OPCML: variants seen among roughly 807,000 people sequenced by gnomAD.
OPCML encodes opioid-binding protein/cell adhesion molecule.
OPCML carries 13 observed loss-of-function variants against 37.8 expected under a neutral mutation model. The observed-to-expected ratio is 0.34, with a 90% CI of 0.22 to 0.55. The LOEUF (loss-of-function observed/expected upper bound fraction) is 0.55, where lower values mean the gene tolerates loss of function less well. Among genes scored for constraint, OPCML ranks in the 20% least tolerant of loss-of-function variants. The probability of loss-of-function intolerance (pLI) is 0.91; values close to 1 mark genes in which losing one functional copy is unlikely to be tolerated. For synonymous variants in OPCML, 176 were observed against 168.8 expected (o/e 1.04, Z -0.33); for missense variants, 341 against 435.6 (o/e 0.78, Z 1.93).
At chr11:133,418,648 C>G (rs572867511) in intron 1 of OPCML, 6 of 175,386 alleles carry the variant, frequency 3.4e-5, no homozygotes, top group African/African-American at 1.2e-4. Context: ...TCTTAAACTC[C>G]TTAAAGTAAG....
At chr11:133,187,230 C>T (rs1293271789) in intron 1 of OPCML, among the ~76,000 whole-genome samples, 1 of 152,126 alleles carries the variant, frequency 6.6e-6, no homozygotes, top group Non-Finnish European at 1.5e-5. Context: ...ATGTGATCTG[C>T]ACCTACAGCC....
At chr11:132,985,287 G>A (rs1946665443) in intron 1 of OPCML, among the ~76,000 whole-genome samples, 1 of 152,194 alleles carries the variant, frequency 6.6e-6, no homozygotes, top group African/African-American at 2.4e-5. Context: ...GGTGGCCAAG[G>A]CTGTAGTTCT....
chr11:132,820,855 C>G (rs748570748), intron 2 of OPCML, among the ~76,000 whole-genome samples: 5 of 152,144 alleles, frequency 3.3e-5, no homozygotes, highest in Non-Finnish European at 5.9e-5. Context: ...CCCCGCACCT[C>G]CTCCCCGAAA....
At chr11:133,230,996 C>T (rs1234172365) in intron 1 of OPCML, among the ~76,000 whole-genome samples, 1 of 152,188 alleles carries the variant, frequency 6.6e-6, no homozygotes, top group Non-Finnish European at 1.5e-5. Flanking sequence ...GCTTTCCACA[C>T]ATTTGCAAAC....
chr11:133,160,171 A>G (rs1950121867), intron 1 of OPCML, among the ~76,000 whole-genome samples: 1 of 152,240 alleles, frequency 6.6e-6, no homozygotes, highest in Non-Finnish European at 1.5e-5. Context: ...GACACAAATA[A>G]TATCTTGCCC....
chr11:133,297,622 T>C (rs1942663140), intron 1 of OPCML: 1 of 152,232 alleles, frequency 6.6e-6, no homozygotes, highest in South Asian at 2.1e-4. Flanking sequence ...ATGAGAGAAC[T>C]GTCATCACAG....
intron 1 of OPCML, among the ~76,000 whole-genome samples, chr11:133,031,294 G>C (rs937618321): frequency 6.6e-6 from 1 of 151,974 alleles, no homozygotes; most frequent in Middle Eastern, 3.2e-3. Flanking sequence ...GTGCATGGGT[G>C]GATGGATAGA....
At chr11:132,678,354 A>G (rs1035274237) in intron 2 of OPCML, among the ~76,000 whole-genome samples, 1 of 152,156 alleles carries the variant, frequency 6.6e-6, no homozygotes, top group Non-Finnish European at 1.5e-5. Flanking sequence ...ACAAAATTAA[A>G]CGTACTCTTA....
intron 2 of OPCML, among the ~76,000 whole-genome samples, chr11:132,818,294 T>G (rs1939746343): frequency 6.6e-6 from 1 of 152,194 alleles, no homozygotes; most frequent in South Asian, 2.1e-4. Flanking sequence ...TTATCTTTTC[T>G]TCAATTTGGG....
intron 4 of OPCML, among the ~76,000 whole-genome samples, chr11:132,518,926 C>A (rs1025482139): frequency 6.6e-6 from 1 of 152,180 alleles, no homozygotes; most frequent in African/African-American, 2.4e-5. Context: ...GGCAGGATTT[C>A]CAGTTCCAAT....
At chr11:133,203,635 G>A (rs1407534078) in intron 1 of OPCML, among the ~76,000 whole-genome samples, 1 of 152,244 alleles carries the variant, frequency 6.6e-6, no homozygotes, top group East Asian at 1.9e-4. Flanking sequence ...GGTCAATCCT[G>A]TCTGTGAATG....
intron 1 of OPCML, among the ~76,000 whole-genome samples, chr11:133,151,049 C>T (rs952506183): frequency 2.6e-4 from 40 of 150,972 alleles, no homozygotes; most frequent in African/African-American, 9.5e-4. Flanking sequence ...CTGAGGTGAG[C>T]GGATCACAAG....
intron 1 of OPCML, among the ~76,000 whole-genome samples, chr11:132,997,601 C>G (rs554123205): frequency 2.0e-5 from 3 of 152,190 alleles, no homozygotes; most frequent in African/African-American, 7.2e-5. Flanking sequence ...CAACAGGGAG[C>G]TGAGCAAGAC....
chr11:133,142,258 T>G (rs1949834358), intron 1 of OPCML, among the ~76,000 whole-genome samples: 1 of 152,218 alleles, frequency 6.6e-6, no homozygotes. Context: ...AATAAATAAA[T>G]TCAAAAGTCT....
intron 5 of OPCML, 184 bp downstream of exon 5, chr11:132,437,038 C>T: frequency 1.2e-6 from 1 of 845,786 alleles, no homozygotes; most frequent in Non-Finnish European, 1.4e-6. Context: ...AAAACTCTGG[C>T]AGTCACAGGA....
intron 2 of OPCML, among the ~76,000 whole-genome samples, chr11:132,796,270 G>T (rs1008715208): frequency 6.6e-6 from 1 of 152,088 alleles, no homozygotes; most frequent in Admixed American, 6.5e-5. Context: ...ATATACCAAA[G>T]GTTATTCATC....
chr11:133,506,678 A>G (rs1336319127), intron 1 of OPCML, among the ~76,000 whole-genome samples: 1 of 152,222 alleles, frequency 6.6e-6, no homozygotes, highest in African/African-American at 2.4e-5. Context: ...CCCTGATAAA[A>G]TCAGTGGAAG....
At chr11:132,478,552 T>G (rs1156569563) in intron 4 of OPCML, among the ~76,000 whole-genome samples, 1 of 152,170 alleles carries the variant, frequency 6.6e-6, no homozygotes, top group African/African-American at 2.4e-5. Context: ...ACAGCAACAT[T>G]GGGGGAATAA....
chr11:132,541,449 G>A (rs948375145), intron 3 of OPCML, among the ~76,000 whole-genome samples: 3 of 151,958 alleles, frequency 2.0e-5, no homozygotes, highest in South Asian at 2.1e-4. Flanking sequence ...GAATATAAAA[G>A]GGTTTTTGTC....
Sources: gnomAD v4.1 joint callset for allele counts (sites outside exome capture counted in the v4.1 genomes callset) on GRCh38, gnomAD v4.1.1 for gene constraint, MANE v1.5 for transcripts, NCBI Gene and HGNC (gene_info 2026-07-23, HGNC 2026-07-21) for gene names.